Variants in NOL8 observed in about 807,000 individuals in gnomAD.
The protein encoded by NOL8 is nucleolar protein Nop132.
NOL8 carries 93 observed loss-of-function variants against 116.1 expected under a neutral mutation model. The ratio of observed to expected loss-of-function variants is 0.80; its 90% CI spans 0.68 to 0.95. NOL8 has a LOEUF of 0.95. NOL8 is among the 40% of genes least tolerant of loss of function. NOL8 has a pLI of 0.00. For synonymous variants in NOL8, 419 were observed against 469.0 expected (o/e 0.89, Z 1.38); for missense variants, 1,291 against 1,382.8 (o/e 0.93, Z 1.05).
At chr9:92,318,988 T>C in intron 5 of NOL8, 1 of 518,572 alleles carries the variant, frequency 1.9e-6, no homozygotes, top group Non-Finnish European at 3.3e-6. Flanking sequence ...CTATGTCCCT[T>C]GAAAGTCCAC....
rs763473592 is a variant in NOL8 at position 92,315,440 on chromosome 9, T to C, written c.1185A>G (p.Lys395=). 3.8e-6 allele frequency: 6 copies of C among 1,593,416 alleles called. No individual in the cohort carries two copies. Among genetic ancestry groups the C allele is most frequent in the Admixed American group, 1.8e-5 (1 of 56,078 alleles). ...CCATTTGTGAAAATTCTGTACTGTT[T>C]TTGACCTTAGCAACATTTTTTTTCA... The part of the protein sequence containing the change: ...IAMKKNVAKV[K]NSTEFSQMEK... Residue 395 remains lysine, a synonymous_variant, in exon 7 of 17, where the codon AAA becomes AAG. Transcript: ENST00000442668.
In NOL8 at chr9:92,315,892, T is replaced by G; in HGVS notation, c.733A>C (p.Arg245=). The change falls in exon 7 of 17, where the codon AGA becomes CGA. Residue 245 remains arginine (R), a synonymous_variant. Transcript: ENST00000442668. ...GCCTGTTGCTGTGTTAAGGGTGGTC[T>G]CTCTATTACCCTCCTGGGCCTTGTA... ...MSTRPRRVIE[R]PPLTQQQAAQ... is the part of the protein sequence containing the mutation. The G allele has an allele frequency of 6.2e-7, 1 of 1,613,874 alleles. No homozygotes were observed. The highest frequency in any genetic ancestry group is 1.1e-5 in the South Asian group (1 of 91,074).
At chr9:92,298,505 A>G (rs1181802443) in intron 15 of NOL8, 169 bp from the exon 16 acceptor site, 11 of 565,896 alleles carry the variant, frequency 1.9e-5, no homozygotes, top group Non-Finnish European at 3.4e-5. Context: ...TGAAAAATAT[A>G]ATATTGCTTT....
At chr9:92,316,218 A>T in intron 6 of NOL8, 80 bp from the exon 7 acceptor site, 1 of 1,414,716 alleles carries the variant, frequency 7.1e-7, no homozygotes, top group Non-Finnish European at 9.5e-7. Context: ...AATATTGCTT[A>T]ATCTCAAATA....
chr9:92,299,836 T>A, intron 14 of NOL8, 54 bp downstream of exon 14: 1 of 1,580,628 alleles, frequency 6.3e-7, no homozygotes, highest in South Asian at 1.1e-5. Flanking sequence ...AAAGTATGTC[T>A]AATTCAGATT....
intron 3 of NOL8, among the ~76,000 whole-genome samples, chr9:92,322,593 G>A (rs1206784413): frequency 6.6e-6 from 1 of 152,154 alleles, no homozygotes; most frequent in African/African-American, 2.4e-5. Context: ...CTGACCTCAA[G>A]TGATCCACCT....
In NOL8 at chr9:92,301,740, C is replaced by A. The variant is rs769443484; in HGVS notation, c.2986G>T (p.Asp996Tyr). 9 of 1,605,352 alleles carry A rather than the reference C, an allele frequency of 5.6e-6. No individual in the cohort carries two copies. Among genetic ancestry groups the A allele is most frequent in the Non-Finnish European group, 7.6e-6 (9 of 1,176,472 alleles). ...SKEMYYNIAM[D>Y]LKEIFQTTKY... is the part of the protein sequence containing the mutation. ...GTAGTTTGGAATATTTCTTTCAGAT[C>A]CATAGCAATATTATAATACATTTCT... The change falls in exon 13 of 17, where the codon GAT (aspartate) becomes TAT (tyrosine). Residue 996 changes from aspartate (D) to tyrosine (Y), a missense_variant. Coordinates refer to ENST00000442668, the MANE Select transcript of NOL8 (RefSeq NM_017948.6).
chr9:92,315,111 T>C lies in NOL8; in HGVS notation c.1514A>G (p.Asp505Gly). The C allele has an allele frequency of 6.2e-7, 1 of 1,613,998 alleles. No individual in the cohort carries two copies. The highest frequency in any genetic ancestry group is 1.1e-5 in the South Asian group (1 of 91,086). The change falls in exon 7 of 17, where the codon GAT becomes GGT. Residue 505 changes from aspartate (D) to glycine (G), a missense_variant. Transcript: ENST00000442668. ...AGSDLKVPNEDTKSDGPETTT... is the reference protein window; with the variant it reads ...AGSDLKVPNEGTKSDGPETTT... ...GGTTTCTGGTCCATCACTCTTAGTA[T>C]CTTCATTTGGAACCTTCAGATCACT... is the stretch of plus-strand genomic sequence containing the variant.
At chr9:92,300,396 T>C in intron 13 of NOL8, 2 of 989,038 alleles carry the variant, frequency 2.0e-6, no homozygotes, top group Non-Finnish European at 2.4e-6. Context: ...GTTTCCCTCT[T>C]GTCTATTTAT....
intron 10 of NOL8, 57 bp from the exon 11 acceptor site, chr9:92,307,081 AATC>A: frequency 6.5e-7 from 1 of 1,529,174 alleles, no homozygotes; most frequent in Non-Finnish European, 8.9e-7. Flanking sequence ...GAGAAGTCTC[AATC>A]ATCAAATATT....
chr9:92,311,052 T>G, intron 8 of NOL8, 94 bp downstream of exon 8: 1 of 979,232 alleles, frequency 1.0e-6, no homozygotes. Context: ...TCATTGGGGC[T>G]CTCAGGAGGG....
In NOL8 at chr9:92,315,889, GTCTC is replaced by G. The variant is rs1271024571; in HGVS notation, c.732_735del (p.Glu244AspfsTer4). ...GCAGCCTGTTGCTGTGTTAAGGGTG[GTCTC>G]TCTATTACCCTCCTGGGCCTTGTAC... is the stretch of plus-strand genomic sequence containing the variant. On this transcript the variant is annotated frameshift_variant, in exon 7 of 17. Coordinates refer to ENST00000442668, the MANE Select transcript of NOL8 (RefSeq NM_017948.6). LOFTEE classifies it high-confidence loss of function. 2 of 1,613,706 alleles carry G rather than the reference GTCTC, an allele frequency of 1.2e-6. No homozygotes were observed. Among genetic ancestry groups the G allele is most frequent in the African/African-American group, 2.7e-5 (2 of 74,890 alleles).
At chr9:92,319,758 G>A (rs140981836) in intron 4 of NOL8, among the ~76,000 whole-genome samples, 1 of 152,274 alleles carries the variant, frequency 6.6e-6, no homozygotes, top group Non-Finnish European at 1.5e-5. Context: ...TGTACAACAT[G>A]CCTTTCCATC....
intron 13 of NOL8, chr9:92,300,853 T>C (rs1186019065): frequency 9.4e-7 from 1 of 1,061,050 alleles, no homozygotes; most frequent in Non-Finnish European, 1.2e-6. Context: ...ACCAAACACA[T>C]GTATGCTATT....
intron 5 of NOL8, chr9:92,319,015 ATTTC>A: frequency 1.8e-6 from 1 of 550,848 alleles, no homozygotes; most frequent in Non-Finnish European, 3.0e-6. Context: ...TTGAGTTTTG[ATTTC>A]TTTCTCTGTA....
intron 6 of NOL8, among the ~76,000 whole-genome samples, chr9:92,318,282 A>C (rs1275818635): frequency 6.6e-6 from 1 of 151,902 alleles, no homozygotes; most frequent in Non-Finnish European, 1.5e-5. Context: ...TTCAAAACCT[A>C]CCTCAATTCT....
intron 2 of NOL8, 83 bp from the exon 3 acceptor site, chr9:92,323,586 T>C (rs1840114278): frequency 8.7e-7 from 1 of 1,144,390 alleles, no homozygotes; most frequent in South Asian, 1.7e-5. Context: ...TGTTTCTAAA[T>C]TAAAAAAAAA....
rs1364824699 is a variant in NOL8, at chr9:92,305,791, G to A, written c.2865C>T (p.Ala955=). The A allele has an allele frequency of 6.2e-7, 1 of 1,612,552 alleles. No homozygotes were observed. ...TATCATCTCTTTTTCTTTCGTAAGT[G>A]GCATGGTCTTGCTTCGTTGGATCAT... ...IHYDPTKQDH[A]TYERKRDDKP... The change falls in exon 12 of 17, where the codon GCC becomes GCT. Residue 955 remains alanine, a synonymous_variant. Transcript: ENST00000442668.
intron 6 of NOL8, among the ~76,000 whole-genome samples, chr9:92,317,228 G>A (rs1413412957): frequency 6.6e-6 from 1 of 152,202 alleles, no homozygotes; most frequent in Non-Finnish European, 1.5e-5. Flanking sequence ...CCAAAGTGCT[G>A]GGATTACAGG....
Sources: gnomAD v4.1 joint callset for allele counts (sites outside exome capture counted in the v4.1 genomes callset) on GRCh38, gnomAD v4.1.1 for gene constraint, MANE v1.5 for transcripts, NCBI Gene and HGNC (gene_info 2026-07-23, HGNC 2026-07-21) for gene names.